Variants in CASP2 observed in about 807,000 individuals in gnomAD.
CASP2 encodes caspase 2.
A neutral mutation model predicts 54.4 loss-of-function variants in CASP2; 38 were observed. The ratio of observed to expected loss-of-function variants is 0.70; its 90% CI spans 0.54 to 0.92. CASP2 has a LOEUF of 0.92. Among genes scored for constraint, CASP2 ranks in the 40% least tolerant of loss-of-function variants. The pLI, the probability that CASP2 is intolerant of heterozygous loss-of-function variation, is 0.00. For synonymous variants in CASP2, 215 were observed against 216.3 expected (o/e 0.99, Z 0.05); for missense variants, 512 against 579.6 (o/e 0.88, Z 1.20).
chr7:143,304,853 C>G, intron 10 of CASP2, 70 bp downstream of exon 10: 3 of 1,608,438 alleles, frequency 1.9e-6, no homozygotes, highest in Non-Finnish European at 2.6e-6. Context: ...CTTGAATGCT[C>G]TTTCATAGTC....
At chr7:143,300,097 T>C in intron 7 of CASP2, 46 bp downstream of exon 7, 1 of 1,614,014 alleles carries the variant, frequency 6.2e-7, no homozygotes, top group Non-Finnish European at 8.5e-7. Flanking sequence ...CAGGCTGCTT[T>C]ACCTCCTGCC....
chr7:143,288,556 CT>C, intron 1 of CASP2, 27 bp downstream of exon 1: 1 of 1,594,300 alleles, frequency 6.3e-7, no homozygotes, highest in Non-Finnish European at 8.6e-7. Flanking sequence ...CTTAGGGCTC[CT>C]TAGGGGAGCC....
Position 143,300,226 on chromosome 7 carries a change from T to C in CASP2, c.899T>C (p.Phe300Ser). The C allele has an allele frequency of 5.6e-6, 9 of 1,614,182 alleles. No individual in the cohort carries two copies. The highest frequency in any genetic ancestry group is 7.6e-6 in the Non-Finnish European group (9 of 1,180,040). The change falls in exon 8 of 11, where the codon TTT becomes TCT. Residue 300 changes from phenylalanine (F) to serine (S), a missense_variant. This residue lies in a region of CASP2 where 417 missense variants were observed against 495.4 expected (regional missense o/e 0.84). Coordinates refer to ENST00000310447, the MANE Select transcript of CASP2 (RefSeq NM_032982.4). Reference sequence around the variant, plus strand: ...CAGCTCCAAGAGGTTTTTCAGCTCTTTGACAACGCCAACTGCCCAAGCCTA... The same window carrying C: ...CAGCTCCAAGAGGTTTTTCAGCTCTCTGACAACGCCAACTGCCCAAGCCTA... ...LLQLQEVFQLFDNANCPSLQN... is the reference protein window; with the variant it reads ...LLQLQEVFQLSDNANCPSLQN...
chr7:143,307,172 A>T lies in CASP2; in HGVS notation c.*2101A>T, dbSNP rs908743310. On this transcript the variant is annotated 3_prime_UTR_variant, in exon 11 of 11. Coordinates refer to ENST00000310447, the MANE Select transcript of CASP2 (RefSeq NM_032982.4). ...CCCCTCATTGCATTTATTGCAGTTTATATATATGCTACTTTTACTTGTTCA... is the reference window on the plus strand; with the variant it reads ...CCCCTCATTGCATTTATTGCAGTTTTTATATATGCTACTTTTACTTGTTCA... 1 of 152,156 alleles carries T rather than the reference A, an allele frequency of 6.6e-6. No individual in the cohort carries two copies. The highest frequency in any genetic ancestry group is 1.5e-5 in the Non-Finnish European group (1 of 68,046). The allele number at this position is 152,156 out of a possible 1,614,324, so 9.4% of individuals were successfully genotyped here.
intron 8 of CASP2, 163 bp from the exon 9 acceptor site, chr7:143,303,621 A>C: frequency 1.9e-6 from 1 of 533,928 alleles, no homozygotes; most frequent in Non-Finnish European, 3.3e-6. Context: ...GAGAGTAATA[A>C]TTTTTTTTTT....
chr7:143,296,968 C>T (rs1444407593), intron 6 of CASP2, among the ~76,000 whole-genome samples: 2 of 151,990 alleles, frequency 1.3e-5, no homozygotes, highest in African/African-American at 4.8e-5. Context: ...TATGATTTAC[C>T]CTATGTTAGG....
intron 9 of CASP2, 106 bp from the exon 10 acceptor site, chr7:143,304,568 T>C (rs895852107): frequency 1.2e-6 from 1 of 821,466 alleles, no homozygotes; most frequent in African/African-American, 1.7e-5. Context: ...TTCTTCATGC[T>C]GGGTTCTCTG....
chr7:143,303,759 T>C, intron 8 of CASP2, 25 bp from the exon 9 acceptor site: 2 of 1,611,514 alleles, frequency 1.2e-6, no homozygotes, highest in Non-Finnish European at 1.7e-6. Context: ...AACATCATTG[T>C]CCATTCTGTC....
chr7:143,297,694 G>T (rs554024008), intron 6 of CASP2, among the ~76,000 whole-genome samples: 1 of 152,172 alleles, frequency 6.6e-6, no homozygotes, highest in African/African-American at 2.4e-5. Context: ...TGATCCACCC[G>T]CCTCGGCCTC....
rs748402853 is a variant in CASP2 at position 143,288,503 on chromosome 7, G to A, written c.48G>A (p.Glu16=). ...CTTGGTCCACCTTCCAGCACAAGGAGCTGATGGCCGCTGACAGGGGACGCA... is the reference window on the plus strand; with the variant it reads ...CTTGGTCCACCTTCCAGCACAAGGAACTGATGGCCGCTGACAGGGGACGCA... The part of the protein sequence containing the change: ...AGSWSTFQHK[E]LMAADRGRRI... Residue 16 remains glutamate, a synonymous_variant, in exon 1 of 11, where the codon GAG becomes GAA. Transcript: ENST00000310447. The A allele has an allele frequency of 3.1e-6, 5 of 1,613,402 alleles. No homozygotes were observed. The highest frequency in any genetic ancestry group is 1.7e-4 in the Middle Eastern group (1 of 5,794).
chr7:143,300,248 C>G lies in CASP2; in HGVS notation c.921C>G (p.Ser307Arg), dbSNP rs1801875648. The G allele has an allele frequency of 6.2e-7, 1 of 1,614,174 alleles. No homozygotes were observed. The highest frequency in any genetic ancestry group is 1.3e-5 in the African/African-American group (1 of 75,054). Residue 307 changes from serine to arginine, a missense_variant, in exon 8 of 11, where the codon AGC becomes AGG. Transcript: ENST00000310447. ...TCTTTGACAACGCCAACTGCCCAAG[C>G]CTACAGAACAAACCAAAAATGTTCT... ...FQLFDNANCPSLQNKPKMFFI... is the reference protein window; with the variant it reads ...FQLFDNANCPRLQNKPKMFFI...
At position 143,303,932 on chromosome 7, in the gene CASP2, AG is replaced by A. The variant is rs1173343083; in HGVS notation, c.1117+1del. On this transcript the variant is annotated frameshift_variant and splice_region_variant, in exon 9 of 11. Coordinates refer to ENST00000310447, the MANE Select transcript of CASP2 (RefSeq NM_032982.4). LOFTEE classifies it high-confidence loss of function. ...DMICGYACLKGTAAMRNTKRG... is the reference protein window; with the variant it reads ...DMICGYACLKXTAAMRNTKRG... ...TGATATGCGGCTATGCCTGCCTCAA[AG>A]GTACTTTGAGTTCCAAAAGAGTTGA... 1 of 1,585,444 alleles carries A rather than the reference AG, an allele frequency of 6.3e-7. No homozygotes were observed. The highest frequency in any genetic ancestry group is 1.8e-5 in the Admixed American group (1 of 54,992).
At chr7:143,288,584 G>A in intron 1 of CASP2, 55 bp downstream of exon 1, 2 of 1,498,722 alleles carry the variant, frequency 1.3e-6, no homozygotes, top group East Asian at 2.3e-5. Context: ...AGGGGAGCGT[G>A]GCCCCCAGGC....
At chr7:143,292,828 T>G in intron 4 of CASP2, 130 bp downstream of exon 4, 2 of 730,684 alleles carry the variant, frequency 2.7e-6, no homozygotes, top group South Asian at 2.9e-5. Context: ...CTGGCCAACA[T>G]GGTGAAACCC....
intron 8 of CASP2, chr7:143,302,133 AAAG>A (rs1364877414): frequency 1.3e-5 from 2 of 152,216 alleles, no homozygotes; most frequent in Non-Finnish European, 2.9e-5. Flanking sequence ...TATTGTGACA[AAAG>A]AACCAGTGAC....
chr7:143,305,423 C>T lies in CASP2; in HGVS notation c.*352C>T. 2.6e-6 allele frequency: 1 copy of T among 381,716 alleles called. No individual in the cohort carries two copies. The highest frequency in any genetic ancestry group is 2.4e-5 in the South Asian group (1 of 42,102). 23.6% of individuals were successfully genotyped at this position (381,716 alleles called of 1,614,324 possible). Reference sequence around the variant, plus strand: ...GTTCAGTTCCAGCTTTTGTAGATGGCACTTTAGTGATTGCTTTTATTACAT... The same window carrying T: ...GTTCAGTTCCAGCTTTTGTAGATGGTACTTTAGTGATTGCTTTTATTACAT... On this transcript the variant is annotated 3_prime_UTR_variant, in exon 11 of 11. Coordinates refer to ENST00000310447, the MANE Select transcript of CASP2 (RefSeq NM_032982.4).
chr7:143,291,340 T>C (rs1801551122), intron 1 of CASP2, among the ~76,000 whole-genome samples, 200 bp from the exon 2 acceptor site: 1 of 152,362 alleles, frequency 6.6e-6, no homozygotes, highest in South Asian at 2.1e-4. Context: ...ACATAAACCA[T>C]AAGGAATTAG....
intron 6 of CASP2, among the ~76,000 whole-genome samples, chr7:143,299,184 A>G (rs1307859814): frequency 1.3e-5 from 2 of 152,108 alleles, no homozygotes; most frequent in African/African-American, 4.8e-5. Context: ...CTTTGTCATA[A>G]TATCTCATTT....
intron 6 of CASP2, among the ~76,000 whole-genome samples, chr7:143,299,275 G>A (rs545865437): frequency 2.0e-5 from 3 of 152,120 alleles, no homozygotes; most frequent in Non-Finnish European, 4.4e-5. Context: ...GTCTGAGTAA[G>A]CTGTTCCAAC....
Sources: allele counts gnomAD v4.1 joint callset (sites outside exome capture counted in the v4.1 genomes callset), GRCh38; gene constraint gnomAD v4.1.1; regional missense constraint gnomAD v4.1.1; transcripts MANE v1.5; gene names NCBI Gene and HGNC (gene_info 2026-07-23, HGNC 2026-07-21).